The following ADD1 variants were observed in gnomAD, a reference collection of about 807,000 sequenced individuals.
The protein encoded by ADD1 is adducin 1, also known as alpha-adducin.
A neutral mutation model predicts 80.5 loss-of-function variants in ADD1; 24 were observed. The ratio of observed to expected loss-of-function variants is 0.30; its 90% CI spans 0.22 to 0.42. ADD1 has a LOEUF of 0.42. Among genes scored for constraint, ADD1 ranks in the 10% least tolerant of loss-of-function variants. The pLI, the probability that ADD1 is intolerant of heterozygous loss-of-function variation, is 1.00. For synonymous variants in ADD1, 373 were observed against 393.8 expected (o/e 0.95, Z 0.63); for missense variants, 948 against 1,019.0 (o/e 0.93, Z 0.95).
chr4:2,926,191 C>G lies in ADD1; in HGVS notation c.2047+79C>G. The G allele has an allele frequency of 6.3e-6, 8 of 1,263,624 alleles. No homozygotes were observed. The highest frequency in any genetic ancestry group is 9.2e-6 in the Non-Finnish European group (8 of 867,026). 78.3% of individuals were successfully genotyped at this position (1,263,624 alleles called of 1,614,324 possible). On this transcript the variant is annotated intron_variant, in intron 15 of 15. Transcript: ENST00000683351. The surrounding 1 kb of genome is among the most constrained non-coding windows in gnomAD (Gnocchi z 5.0). ...CGCTGTGGCGGAATGTGGCGGGAGT[C>G]GTGTTAACAGCAACACGGAAGTGTG...
At position 2,897,742 on chromosome 4, in the gene ADD1, C is replaced by G. The variant is rs188088572; in HGVS notation, c.742-442C>G. On this transcript the variant is annotated intron_variant, in intron 6 of 15. Transcript: ENST00000683351. Reference sequence around the variant, plus strand: ...CTCACTTTGTTGCCCAGGCTGACGTCGAACTTCCAGGCTCAAGTGATCCAC... The same window carrying G: ...CTCACTTTGTTGCCCAGGCTGACGTGGAACTTCCAGGCTCAAGTGATCCAC... 1.1e-3 allele frequency among the ~76,000 whole-genome samples: 163 copies of G among 151,946 alleles called. 1 individual carries two copies. Among genetic ancestry groups the G allele is most frequent in the Admixed American group, 3.4e-3 (52 of 15,232 alleles).
intron 1 of ADD1, chr4:2,844,559 CCT>C (rs933539701): frequency 6.6e-6 from 1 of 152,236 alleles, no homozygotes; most frequent in African/African-American, 2.4e-5. Context: ...CTTTGCCCTC[CCT>C]CTCTTTTCTT....
At position 2,907,964 on chromosome 4, in the gene ADD1, T is replaced by C. The variant is rs1737339939; in HGVS notation, c.1608+120T>C. On this transcript the variant is annotated intron_variant, in intron 11 of 15. Transcript: ENST00000683351. ...GGGCATCTGCTGTTGTTGCCACTGT[T>C]GCAGTGAAGCCATCTCTTCACACCG... is the stretch of plus-strand genomic sequence containing the variant. The C allele has an allele frequency of 9.2e-6, 7 of 764,606 alleles. No homozygotes were observed. In the Admixed American group the frequency reaches 1.4e-4, roughly 15 times the overall value. 47.4% of individuals were successfully genotyped at this position (764,606 alleles called of 1,614,324 possible).
intron 14 of ADD1, among the ~76,000 whole-genome samples, chr4:2,923,795 C>T (rs1161558716): frequency 6.6e-6 from 1 of 152,232 alleles, no homozygotes; most frequent in East Asian, 1.9e-4. Context: ...GTCATTTTCC[C>T]CCGGCTGGAG....
chr4:2,882,961 A>AGG (rs1732614800), intron 3 of ADD1, among the ~76,000 whole-genome samples: 2 of 152,154 alleles, frequency 1.3e-5, no homozygotes, highest in South Asian at 4.1e-4. Flanking sequence ...TCCCAGGTTC[A>AGG]AGCTGTTCTC....
intron 14 of ADD1, among the ~76,000 whole-genome samples, chr4:2,915,881 G>A (rs1012365): frequency 0.18 from 28,122 of 152,042 alleles, 2,848 homozygotes; most frequent in East Asian, 0.48. Context: ...TGTAAATGAC[G>A]ATGTGGAGGA....
intron 1 of ADD1, among the ~76,000 whole-genome samples, chr4:2,867,590 TAAAAG>T (rs1729738555): frequency 1.3e-5 from 2 of 152,194 alleles, no homozygotes; most frequent in Admixed American, 1.3e-4. Context: ...ATGCTGTAGT[TAAAAG>T]AAAAACAACA....
chr4:2,898,248 C>G lies in ADD1; in HGVS notation c.806C>G (p.Ala269Gly). The G allele has an allele frequency of 6.2e-7, 1 of 1,614,128 alleles. No individual in the cohort carries two copies. Among genetic ancestry groups the G allele is most frequent in the Non-Finnish European group, 8.5e-7 (1 of 1,180,022 alleles). The change falls in exon 7 of 16, where the codon GCT (alanine) becomes GGT (glycine). Residue 269 changes from alanine (A) to glycine (G), a missense_variant. Physicochemically the swap from Ala to Gly is moderately conservative, Grantham distance 60. Coordinates refer to ENST00000683351, the MANE Select transcript of ADD1 (RefSeq NM_001354761.2). ...SPEALSLGEV[A>G]YHDYHGILVD... ...GAGGCGCTTTCCCTTGGAGAAGTGG[C>G]TTATCATGACTACCATGGCATTCTG...
chr4:2,845,534 C>G (rs962190771), intron 1 of ADD1, among the ~76,000 whole-genome samples: 17 of 152,114 alleles, frequency 1.1e-4, no homozygotes, highest in Non-Finnish European at 2.4e-4. Context: ...TGTTAGTTTT[C>G]TACTTGTGGT....
intron 1 of ADD1, among the ~76,000 whole-genome samples, chr4:2,863,097 T>C (rs9686059): frequency 0.024 from 3,693 of 152,202 alleles, 146 homozygotes; most frequent in African/African-American, 0.084. Context: ...TCACCCAGGC[T>C]AGAGTGCAGT....
chr4:2,914,958 C>T lies in ADD1; in HGVS notation c.1866C>T (p.Gly622=). The T allele has an allele frequency of 6.2e-7, 1 of 1,614,132 alleles. No individual in the cohort carries two copies. Among genetic ancestry groups the T allele is most frequent in the East Asian group, 2.2e-5 (1 of 44,878 alleles). Residue 622 remains glycine, a synonymous_variant, in exon 14 of 16, where the codon GGC becomes GGT. Coordinates refer to ENST00000683351, the MANE Select transcript of ADD1 (RefSeq NM_001354761.2). ...CCCACGTCATTGTGAGCACCACGGG[C>T]CCCAACCCCTTCACCACACTCACAG... ...YQPHVIVSTT[G]PNPFTTLTDR... is the part of the protein sequence containing the mutation.
chr4:2,924,238 C>T (rs1007530991), intron 14 of ADD1, among the ~76,000 whole-genome samples: 19 of 152,176 alleles, frequency 1.2e-4, no homozygotes, highest in Admixed American at 1.2e-3. Flanking sequence ...CAGGTGGTTT[C>T]AAATGTCAGG....
intron 3 of ADD1, 65 bp from the exon 4 acceptor site, chr4:2,884,450 T>C: frequency 7.6e-7 from 1 of 1,316,060 alleles, no homozygotes; most frequent in East Asian, 2.5e-5. Flanking sequence ...CTTAGCCTTC[T>C]GAGTAACTAG....
At chr4:2,898,659 C>T (rs1196352997) in intron 8 of ADD1, 128 bp downstream of exon 8, 1 of 825,138 alleles carries the variant, frequency 1.2e-6, no homozygotes, top group Non-Finnish European at 2.0e-6. Flanking sequence ...AAGATAAGCT[C>T]ATGGATTTGG....
intron 1 of ADD1, among the ~76,000 whole-genome samples, chr4:2,872,006 A>T (rs1271693249): frequency 1.3e-5 from 2 of 152,052 alleles, no homozygotes; most frequent in African/African-American, 4.8e-5. Flanking sequence ...AAAACTCTCT[A>T]TGGCCAAGTT....
chr4:2,869,176 A>T (rs1377728480), intron 1 of ADD1, among the ~76,000 whole-genome samples: 1 of 152,012 alleles, frequency 6.6e-6, no homozygotes, highest in Non-Finnish European at 1.5e-5. Context: ...TGCTGTAACA[A>T]AGTGCCACAG....
At chr4:2,852,402 C>G (rs1577421737) in intron 1 of ADD1, among the ~76,000 whole-genome samples, 2 of 146,980 alleles carry the variant, frequency 1.4e-5, no homozygotes, top group Admixed American at 1.4e-4. Flanking sequence ...TCTTGGCTCA[C>G]TGCAACCTCC....
At chr4:2,897,151 T>C (rs1426145871) in intron 6 of ADD1, among the ~76,000 whole-genome samples, 1 of 152,140 alleles carries the variant, frequency 6.6e-6, no homozygotes, top group African/African-American at 2.4e-5. Flanking sequence ...TGTGGTATTG[T>C]CTTTTTAGGT....
At chr4:2,883,951 G>A (rs1577554367) in intron 3 of ADD1, among the ~76,000 whole-genome samples, 2 of 152,344 alleles carry the variant, frequency 1.3e-5, no homozygotes, top group South Asian at 2.1e-4. Context: ...GATTACAGGC[G>A]TGAGCCACCG....
Sources: allele counts gnomAD v4.1 joint callset (sites outside exome capture counted in the v4.1 genomes callset), GRCh38; gene constraint gnomAD v4.1.1; non-coding constraint Gnocchi (gnomAD v3.1); transcripts MANE v1.5; gene names NCBI Gene and HGNC (gene_info 2026-07-23, HGNC 2026-07-21).